Variants in EFL1 observed in about 807,000 individuals in gnomAD.
EFL1 encodes the protein elongation factor-like GTPase 1.
A neutral mutation model predicts 126.7 loss-of-function variants in EFL1; 76 were observed. The ratio of observed to expected loss-of-function variants is 0.60; its 90% CI spans 0.50 to 0.73. The LOEUF (loss-of-function observed/expected upper bound fraction) is 0.73, where lower values mean the gene tolerates loss of function less well. EFL1 is among the 30% of genes least tolerant of loss of function. The pLI, the probability that EFL1 is intolerant of heterozygous loss-of-function variation, is 0.00. For missense variants in EFL1, 1,128 were observed against 1,343.2 expected (o/e 0.84, Z 2.50); for synonymous variants, 410 against 448.4 (o/e 0.91, Z 1.08).
rs2073624575 is a variant in EFL1, at chr15:82,130,318, C to T, written c.*55G>A. 1.9e-6 allele frequency: 3 copies of T among 1,573,094 alleles called. No individual in the cohort carries two copies. The highest frequency in any genetic ancestry group is 2.4e-5 in the South Asian group (2 of 83,840). On this transcript the variant is annotated 3_prime_UTR_variant, in exon 20 of 20. Transcript: ENST00000268206. ...AAAGAAATTTTCCCAATATTAAACCCTTGATGATACTTTTAAATTCACTAT... is the reference window on the plus strand; with the variant it reads ...AAAGAAATTTTCCCAATATTAAACCTTTGATGATACTTTTAAATTCACTAT...
At chr15:82,234,619 TA>T (rs944977297) in intron 7 of EFL1, among the ~76,000 whole-genome samples, 6 of 152,142 alleles carry the variant, frequency 3.9e-5, no homozygotes, top group African/African-American at 1.4e-4. Flanking sequence ...CAAGTTCCTG[TA>T]AAAAGGAAAA....
chr15:82,157,177 C>G (rs1269962207), intron 17 of EFL1, among the ~76,000 whole-genome samples: 1 of 152,174 alleles, frequency 6.6e-6, no homozygotes, highest in Admixed American at 6.5e-5. Context: ...TGCATGATAA[C>G]TGAATGATTC....
chr15:82,163,705 T>C (rs1039566580), intron 16 of EFL1, 148 bp downstream of exon 16: 1 of 898,036 alleles, frequency 1.1e-6, no homozygotes, highest in Non-Finnish European at 1.6e-6. Flanking sequence ...AGAAGTTAGA[T>C]GCCCTTTGAA....
At chr15:82,213,458 T>A (rs2074610478) in intron 15 of EFL1, among the ~76,000 whole-genome samples, 1 of 152,162 alleles carries the variant, frequency 6.6e-6, no homozygotes, top group Non-Finnish European at 1.5e-5. Flanking sequence ...TTAACCTCAA[T>A]CCTGGAAGGC....
At chr15:82,159,495 A>T (rs1040727351) in intron 16 of EFL1, among the ~76,000 whole-genome samples, 1 of 151,900 alleles carries the variant, frequency 6.6e-6, no homozygotes, top group Non-Finnish European at 1.5e-5. Context: ...TTTCAAAAGA[A>T]ATTTGAAACA....
intron 19 of EFL1, among the ~76,000 whole-genome samples, chr15:82,132,691 G>C (rs942879907): frequency 8.4e-5 from 10 of 119,316 alleles, no homozygotes; most frequent in Non-Finnish European, 1.2e-4. Context: ...TGGGGGGGGG[G>C]GGGGGTAGGC....
intron 4 of EFL1, among the ~76,000 whole-genome samples, chr15:82,247,641 C>T (rs2074984884): frequency 6.6e-6 from 1 of 152,056 alleles, no homozygotes; most frequent in East Asian, 1.9e-4. Context: ...AGGTACAAGG[C>T]AGGCAATGTC....
intron 14 of EFL1, among the ~76,000 whole-genome samples, chr15:82,216,018 G>A (rs1346046539): frequency 6.6e-6 from 1 of 152,098 alleles, no homozygotes; most frequent in Non-Finnish European, 1.5e-5. Context: ...TAATTAGTGA[G>A]ACAGCTTAGC....
intron 14 of EFL1, 70 bp downstream of exon 14, chr15:82,219,582 C>T: frequency 6.7e-7 from 1 of 1,492,692 alleles, no homozygotes; most frequent in Non-Finnish European, 9.0e-7. Flanking sequence ...AATCACCAGT[C>T]CCAACAAAAT....
In EFL1 at chr15:82,227,579, T is replaced by G; in HGVS notation, c.1070-7A>C. 6.2e-7 allele frequency: 1 copy of G among 1,614,072 alleles called. No homozygotes were observed. The highest frequency in any genetic ancestry group is 1.1e-5 in the South Asian group (1 of 91,082). On this transcript the variant is annotated splice_polypyrimidine_tract_variant and splice_region_variant and intron_variant, in intron 10 of 19. Transcript: ENST00000268206. ...AGTTTCTGACACACCATAGCTGAAG[T>G]CTATTGTTAAGGACTGAAAACCTTG... is the stretch of plus-strand genomic sequence containing the variant.
rs2073624460 is a variant in EFL1, at chr15:82,130,316, C to A, written c.*57G>T. ...AAAAAGAAATTTTCCCAATATTAAA[C>A]CCTTGATGATACTTTTAAATTCACT... On this transcript the variant is annotated 3_prime_UTR_variant, in exon 20 of 20. Transcript: ENST00000268206. 6.4e-7 allele frequency: 1 copy of A among 1,566,202 alleles called. No homozygotes were observed. Among genetic ancestry groups the A allele is most frequent in the South Asian group, 1.2e-5 (1 of 83,018 alleles).
At chr15:82,205,993 G>T (rs554134938) in intron 15 of EFL1, among the ~76,000 whole-genome samples, 5 of 152,170 alleles carry the variant, frequency 3.3e-5, no homozygotes, top group Non-Finnish European at 5.9e-5. Flanking sequence ...TAGACAAGGG[G>T]ACTCCCACCT....
intron 15 of EFL1, among the ~76,000 whole-genome samples, chr15:82,210,201 C>A (rs944367900): frequency 6.6e-6 from 1 of 152,206 alleles, no homozygotes; most frequent in African/African-American, 2.4e-5. Flanking sequence ...GCAATGTGGT[C>A]ATTTTAAAAC....
intron 19 of EFL1, among the ~76,000 whole-genome samples, chr15:82,137,068 C>T (rs1046183567): frequency 1.3e-5 from 2 of 151,270 alleles, no homozygotes; most frequent in African/African-American, 4.9e-5. Flanking sequence ...GTGCTCTGGG[C>T]TAGCAACTTC....
At chr15:82,244,744 T>C (rs917518478) in intron 4 of EFL1, among the ~76,000 whole-genome samples, 1 of 152,186 alleles carries the variant, frequency 6.6e-6, no homozygotes, top group Non-Finnish European at 1.5e-5. Context: ...CCATGGATAA[T>C]TGTCTCACAG....
At chr15:82,136,007 G>A (rs1364571505) in intron 19 of EFL1, among the ~76,000 whole-genome samples, 1 of 151,922 alleles carries the variant, frequency 6.6e-6, no homozygotes, top group African/African-American at 2.4e-5. Flanking sequence ...TGCCTTATTT[G>A]AGCCACTATA....
chr15:82,181,858 T>G (rs2074255480), intron 15 of EFL1, among the ~76,000 whole-genome samples: 1 of 152,204 alleles, frequency 6.6e-6, no homozygotes, highest in African/African-American at 2.4e-5. Context: ...AAGCTGGCTA[T>G]CACATCTTCC....
At chr15:82,250,560 G>A (rs555892685) in intron 4 of EFL1, among the ~76,000 whole-genome samples, 3 of 149,344 alleles carry the variant, frequency 2.0e-5, no homozygotes, top group African/African-American at 7.5e-5. Flanking sequence ...CAGGATAATA[G>A]GGTAAGAAGT....
At chr15:82,191,457 T>C (rs1405467053) in intron 15 of EFL1, among the ~76,000 whole-genome samples, 1 of 152,132 alleles carries the variant, frequency 6.6e-6, no homozygotes, top group Non-Finnish European at 1.5e-5. Flanking sequence ...ACGGATCAAA[T>C]ACTATAGATA....
Sources: allele counts gnomAD v4.1 joint callset (sites outside exome capture counted in the v4.1 genomes callset), GRCh38; gene constraint gnomAD v4.1.1; transcripts MANE v1.5; gene names NCBI Gene and HGNC (gene_info 2026-07-23, HGNC 2026-07-21).